The following NRDE2 variants were observed in gnomAD, a reference collection of about 807,000 sequenced individuals.
NRDE2 encodes NRDE-2, necessary for RNA interference, domain containing.
NRDE2 carries 76 observed loss-of-function variants against 124.2 expected under a neutral mutation model. The ratio of observed to expected loss-of-function variants is 0.61; its 90% CI spans 0.51 to 0.74. The LOEUF (loss-of-function observed/expected upper bound fraction) is 0.74, where lower values mean the gene tolerates loss of function less well. Among genes scored for constraint, NRDE2 ranks in the 30% least tolerant of loss-of-function variants. The pLI, the probability that NRDE2 is intolerant of heterozygous loss-of-function variation, is 0.00. For missense variants in NRDE2, 1,314 were observed against 1,417.3 expected (o/e 0.93, Z 1.17); for synonymous variants, 489 against 528.1 (o/e 0.93, Z 1.01).
In NRDE2 at chr14:90,278,959, A is replaced by G. The variant is rs987094554; in HGVS notation, c.3369+103T>C. The G allele has an allele frequency of 4.9e-6, 4 of 810,276 alleles. No individual in the cohort carries two copies. The South Asian group carries it at 5.9e-5, about 12-fold the overall frequency. 50.2% of individuals were successfully genotyped at this position (810,276 alleles called of 1,614,324 possible). On this transcript the variant is annotated intron_variant, in intron 13 of 13. Coordinates refer to ENST00000354366, the MANE Select transcript of NRDE2 (RefSeq NM_017970.4). ...GACAGGGTATGGCGTCCATGAGCCG[A>G]GCATCCCCGGTGCCGCGGGGCAGGC...
Position 90,288,686 on chromosome 14 carries a change from T to C in NRDE2, c.2689A>G (p.Thr897Ala). Residue 897 changes from threonine to alanine, a missense_variant, in exon 11 of 14, where the codon ACC becomes GCC. Physicochemically the swap from Thr to Ala is moderately conservative, Grantham distance 58. Coordinates refer to ENST00000354366, the MANE Select transcript of NRDE2 (RefSeq NM_017970.4). ...CTAATTAGGCGGCTACAGGAATCGG[T>C]GGGAGCTGGATTGGAGACACAGCTG... ...GDSCVSNPAPTDSCSRLISLA... is the reference protein window; with the variant it reads ...GDSCVSNPAPADSCSRLISLA... 1.2e-6 allele frequency: 2 copies of C among 1,614,214 alleles called. No homozygotes were observed. The highest frequency in any genetic ancestry group is 8.5e-7 in the Non-Finnish European group (1 of 1,180,040).
Position 90,302,799 on chromosome 14 carries a change from G to A in NRDE2, c.1332C>T (p.Cys444=). ...CCTTAACAGCAGACAAAGTGCTCAA[G>A]CATTTTCCATAAAGACTGTGAATTT... ...ISKIHSLYGK[C]LSTLSAVKDG... is the part of the protein sequence containing the mutation. The change falls in exon 6 of 14, where the codon TGC becomes TGT. Residue 444 remains cysteine (C), a synonymous_variant. Coordinates refer to ENST00000354366, the MANE Select transcript of NRDE2 (RefSeq NM_017970.4). 1 of 1,614,154 alleles carries A rather than the reference G, an allele frequency of 6.2e-7. No homozygotes were observed. Among genetic ancestry groups the A allele is most frequent in the Non-Finnish European group, 8.5e-7 (1 of 1,180,036 alleles).
chr14:90,311,101 C>G (rs1884820410), intron 4 of NRDE2, among the ~76,000 whole-genome samples: 1 of 152,058 alleles, frequency 6.6e-6, no homozygotes, highest in South Asian at 2.1e-4. Flanking sequence ...TTTGGAGATA[C>G]AGCAAAGTAA....
At chr14:90,281,295 G>A (rs1891945081) in intron 12 of NRDE2, 1 of 152,554 alleles carries the variant, frequency 6.6e-6, no homozygotes, top group African/African-American at 2.4e-5. Flanking sequence ...GCACAGTGGT[G>A]CGCACCTGTG....
chr14:90,279,861 G>A (rs1425538750), intron 12 of NRDE2: 1 of 152,246 alleles, frequency 6.6e-6, no homozygotes, highest in South Asian at 2.1e-4. Context: ...GCACAGGCAG[G>A]GCTTGTGGAG....
chr14:90,288,361 A>T lies in NRDE2; in HGVS notation c.3014T>A (p.Val1005Glu). Residue 1005 changes from valine (V) to glutamate (E), a missense_variant, in exon 11 of 14, where the codon GTA (valine) becomes GAA (glutamate). Val to Glu is a moderately radical substitution (Grantham distance 121). Transcript: ENST00000354366. Reference protein sequence around the residue: ...PGNQVLWRSYVQIQNKSHSAS... With the variant: ...PGNQVLWRSYEQIQNKSHSAS... ...ACTGTGGGACTTATTCTGAATCTGTACATAGGACCTCCAAAGAACCTGGTT... is the reference window on the plus strand; with the variant it reads ...ACTGTGGGACTTATTCTGAATCTGTTCATAGGACCTCCAAAGAACCTGGTT... 6.2e-7 allele frequency: 1 copy of T among 1,614,184 alleles called. No homozygotes were observed. The highest frequency in any genetic ancestry group is 8.5e-7 in the Non-Finnish European group (1 of 1,180,022).
intron 1 of NRDE2, among the ~76,000 whole-genome samples, chr14:90,331,244 G>A (rs1299167654): frequency 6.6e-6 from 1 of 152,180 alleles, no homozygotes; most frequent in Non-Finnish European, 1.5e-5. Context: ...TTTGAACAAT[G>A]CAGCTCTGCT....
Position 90,275,620 on chromosome 14 carries a change from TACCG to T in NRDE2, c.*2712_*2715del, listed in dbSNP as rs1891787632. ...TGCTTACTGACCAAAATGCTGAAAT[TACCG>T]TTTCGGCAGCTGGTCACTGAGGCCT... is the stretch of plus-strand genomic sequence containing the variant. On this transcript the variant is annotated 3_prime_UTR_variant, in exon 14 of 14. Transcript: ENST00000354366. 6.6e-6 allele frequency: 1 copy of T among 152,220 alleles called. No homozygotes were observed. The highest frequency in any genetic ancestry group is 2.4e-5 in the African/African-American group (1 of 41,446). 9.4% of individuals were successfully genotyped at this position (152,220 alleles called of 1,614,324 possible).
chr14:90,274,838 A>ACACACACCCC lies in NRDE2; in HGVS notation c.*3497_*3498insGGGGTGTGTG, dbSNP rs1491397403. On this transcript the variant is annotated 3_prime_UTR_variant, in exon 14 of 14. Transcript: ENST00000354366. ...CACACACACACACACACACACACACACCCCAATACATATGAATTGATCTGA... is the reference window on the plus strand; with the variant it reads ...CACACACACACACACACACACACACACACACACCCCCCCCAATACATATGAATTGATCTGA... 3.7e-4 allele frequency: 25 copies of ACACACACCCC among 67,214 alleles called. No individual in the cohort carries two copies. Among genetic ancestry groups the ACACACACCCC allele is most frequent in the East Asian group, 3.0e-3 (9 of 2,956 alleles). The allele number at this position is 67,214 out of a possible 1,614,324, so 4.2% of individuals were successfully genotyped here. A position where few individuals can be genotyped will look rare whatever the true frequency, so the allele number is the denominator to read the frequency against.
Position 90,276,719 on chromosome 14 carries a change from T to A in NRDE2, c.*1617A>T, listed in dbSNP as rs938024157. On this transcript the variant is annotated 3_prime_UTR_variant, in exon 14 of 14. Coordinates refer to ENST00000354366, the MANE Select transcript of NRDE2 (RefSeq NM_017970.4). ...CCATTCCTGGCTCTCAAGGGACAGG[T>A]TGCCACTGGGGTTTGGAGGGAACCA... The A allele has an allele frequency of 6.6e-6, 1 of 152,236 alleles. No homozygotes were observed. Among genetic ancestry groups the A allele is most frequent in the Non-Finnish European group, 1.5e-5 (1 of 68,076 alleles). The allele number at this position is 152,236 out of a possible 1,614,324, so 9.4% of individuals were successfully genotyped here.
In NRDE2 at chr14:90,300,024, C is replaced by T. The variant is rs575549904; in HGVS notation, c.1545+1215G>A. On this transcript the variant is annotated intron_variant, in intron 7 of 13. Transcript: ENST00000354366. The stretch of plus-strand genomic sequence containing the variant: ...ATGCTTTGGAATCACATGTGCTATT[C>T]GTGTTTAAAACCTCAAGCACGAGGA... 1.2e-4 allele frequency among the ~76,000 whole-genome samples: 18 copies of T among 152,258 alleles called. No homozygotes were observed. In the East Asian group the frequency reaches 1.4e-3, roughly 11 times the overall value.
In NRDE2 at chr14:90,288,692, C is replaced by G. The variant is rs1432186207; in HGVS notation, c.2683G>C (p.Ala895Pro). Residue 895 changes from alanine to proline, a missense_variant, in exon 11 of 14, where the codon GCT becomes CCT. Coordinates refer to ENST00000354366, the MANE Select transcript of NRDE2 (RefSeq NM_017970.4). ...AGGCGGCTACAGGAATCGGTGGGAG[C>G]TGGATTGGAGACACAGCTGTCACCC... ...CLGDSCVSNP[A>P]PTDSCSRLIS... 2.5e-6 allele frequency: 4 copies of G among 1,614,202 alleles called. No individual in the cohort carries two copies. The highest frequency in any genetic ancestry group is 1.7e-5 in the Admixed American group (1 of 60,024).
intron 5 of NRDE2, 143 bp downstream of exon 5, chr14:90,303,792 A>AG: frequency 2.7e-6 from 2 of 729,458 alleles, no homozygotes; most frequent in Non-Finnish European, 4.4e-6. Context: ...GAGCGAGCTC[A>AG]GGGCAAAGGC....
intron 11 of NRDE2, 80 bp from the exon 12 acceptor site, chr14:90,286,572 A>G (rs976601223): frequency 7.9e-6 from 12 of 1,516,388 alleles, no homozygotes; most frequent in Middle Eastern, 2.1e-4. Flanking sequence ...CTGAGTGATG[A>G]TAAGTGTCAG....
rs976739448 is a variant in NRDE2 at position 90,270,164 on chromosome 14, G to A, written c.*8172C>T. ...GCCATGGCCGAGCCTGGGTTTGGAT[G>A]TTGGTGTGACTTCAAATCTCTTTGT... On this transcript the variant is annotated 3_prime_UTR_variant, in exon 14 of 14. Transcript: ENST00000354366. 1.9e-6 allele frequency: 3 copies of A among 1,607,970 alleles called. No homozygotes were observed. The highest frequency in any genetic ancestry group is 2.6e-6 in the Non-Finnish European group (3 of 1,175,420).
At position 90,312,556 on chromosome 14, in the gene NRDE2, GGAA is replaced by G. The variant is rs57508760; in HGVS notation, c.408-16_408-14del. 2,156 of 1,613,652 alleles carry G rather than the reference GGAA, an allele frequency of 1.3e-3. 16 individuals carry two copies. The African/African-American group carries it at 0.024, about 18-fold the overall frequency. ...ATTATTTCCTTGACTGTGGGACAAA[GGAA>G]GAAGAAGAAGGGAGAGGCACTTTAA... On this transcript the variant is annotated splice_polypyrimidine_tract_variant and intron_variant, in intron 3 of 13. Coordinates refer to ENST00000354366, the MANE Select transcript of NRDE2 (RefSeq NM_017970.4).
chr14:90,323,810 G>C (rs975403554), intron 1 of NRDE2, among the ~76,000 whole-genome samples: 1 of 152,150 alleles, frequency 6.6e-6, no homozygotes, highest in African/African-American at 2.4e-5. Flanking sequence ...TCTGTACGTA[G>C]AAGAACTTGT....
intron 9 of NRDE2, among the ~76,000 whole-genome samples, chr14:90,292,029 C>T (rs1027655853): frequency 1.3e-5 from 2 of 152,208 alleles, no homozygotes; most frequent in Non-Finnish European, 1.5e-5. Flanking sequence ...TTCCAGGTAT[C>T]GAGACAGCAT....
intron 3 of NRDE2, among the ~76,000 whole-genome samples, 178 bp from the exon 4 acceptor site, chr14:90,312,721 CAA>C (rs1262454126): frequency 6.6e-6 from 1 of 152,044 alleles, no homozygotes; most frequent in Non-Finnish European, 1.5e-5. Context: ...TAGCTCTGGG[CAA>C]AGAGTTTTAA....
Sources: allele counts gnomAD v4.1 joint callset (sites outside exome capture counted in the v4.1 genomes callset), GRCh38; gene constraint gnomAD v4.1.1; transcripts MANE v1.5; gene names NCBI Gene and HGNC (gene_info 2026-07-23, HGNC 2026-07-21).